Variants in DNAJB1 observed in about 807,000 individuals in gnomAD.
The protein encoded by DNAJB1 is dnaJ homolog subfamily B member 1.
Under a neutral mutation model 24.0 loss-of-function variants are expected in DNAJB1, and 14 were observed. That is an observed-to-expected ratio of 0.58 (90% CI 0.39 to 0.91). The LOEUF is 0.91. Among genes scored for constraint, DNAJB1 ranks in the 40% least tolerant of loss-of-function variants. DNAJB1 has a pLI of 0.00. For synonymous variants in DNAJB1, 262 were observed against 174.4 expected, an observed-to-expected ratio of 1.50 and a Z score of -3.96; for missense variants, 517 against 458.1, an observed-to-expected ratio of 1.13 and a Z score of -1.17.
chr19:14,550,064 A>G (rs1467538449), intron 1 of DNAJB1, among the ~76,000 whole-genome samples: 1 of 151,620 alleles, frequency 6.6e-6, no homozygotes, highest in Non-Finnish European at 1.5e-5. Context: ...ACATATAGCG[A>G]TTTATTTCAT....
chr19:14,537,011 A>G (rs1489840049), intron 1 of DNAJB1, among the ~76,000 whole-genome samples: 1 of 90,166 alleles, frequency 1.1e-5, no homozygotes, highest in Non-Finnish European at 2.2e-5. Flanking sequence ...GGGCTTGAGG[A>G]CGGGGAGGGG....
At chr19:14,559,684 G>A (rs963967749) in intron 1 of DNAJB1, among the ~76,000 whole-genome samples, 10 of 151,990 alleles carry the variant, frequency 6.6e-5, no homozygotes, top group African/African-American at 2.4e-4. Context: ...CTACTCTGGA[G>A]GCTGAGGCAG....
At chr19:14,516,312 A>C (rs890129670) in intron 2 of DNAJB1, 142 bp from the exon 3 acceptor site, 2 of 1,267,378 alleles carry the variant, frequency 1.6e-6, no homozygotes, top group Non-Finnish European at 2.2e-6. Flanking sequence ...CCCACCACGA[A>C]AGCTCCACAA....
chr19:14,528,272 G>A (rs2072478106), intron 1 of DNAJB1, among the ~76,000 whole-genome samples: 1 of 131,528 alleles, frequency 7.6e-6, no homozygotes, highest in Admixed American at 7.7e-5. Flanking sequence ...TTTTGAGACG[G>A]TCTGTTGCTC....
At chr19:14,556,449 C>T (rs2073729701) in intron 1 of DNAJB1, among the ~76,000 whole-genome samples, 2 of 151,944 alleles carry the variant, frequency 1.3e-5, no homozygotes, top group Non-Finnish European at 2.9e-5. Context: ...TTGTGACCTC[C>T]CCCACAACCT....
intron 1 of DNAJB1, chr19:14,529,063 C>A (rs1568387160): frequency 6.4e-6 from 1 of 156,298 alleles, no homozygotes; most frequent in Non-Finnish European, 1.4e-5. Flanking sequence ...AAATGGGGAG[C>A]TTTTCGCGAC....
upstream of DNAJB1, among the ~76,000 whole-genome samples, chr19:14,533,687 A>T (rs1330017852): frequency 5.9e-5 from 9 of 152,078 alleles, no homozygotes; most frequent in Admixed American, 5.9e-4. Context: ...TAGTAGCCTC[A>T]TATCACTGCC....
Position 14,516,982 on chromosome 19 carries a change from G to A in DNAJB1, c.276C>T (p.Tyr92=). The change falls in exon 2 of 3, where the codon TAC becomes TAT. Residue 92 remains tyrosine, a synonymous_variant. Coordinates refer to ENST00000254322, the MANE Select transcript of DNAJB1 (RefSeq NM_006145.3). ...TGGCATGAGGGTCTCCATGGAATGT[G>A]TAGCTGAAAGAGGTACCATTGGCAC... ...GGGANGTSFS[Y]TFHGDPHAMF... is the part of the protein sequence containing the mutation. 2 of 1,612,560 alleles carry A rather than the reference G, an allele frequency of 1.2e-6. No individual in the cohort carries two copies. Among genetic ancestry groups the A allele is most frequent in the Non-Finnish European group, 1.7e-6 (2 of 1,179,968 alleles).
chr19:14,517,993 G>GCGGAGGCCCGCGAGGC (rs1157136198), intron 1 of DNAJB1, 146 bp downstream of exon 1: 4 of 880,856 alleles, frequency 4.5e-6, no homozygotes, highest in Middle Eastern at 3.7e-4. Context: ...CAATCCGAGG[G>GCGGAGGCCCGCGAGGC]CGGAGGCCCG....
chr19:14,543,199 C>T (rs1407042332), intron 1 of DNAJB1, among the ~76,000 whole-genome samples: 1 of 149,192 alleles, frequency 6.7e-6, no homozygotes, highest in Non-Finnish European at 1.5e-5. Flanking sequence ...TCCCCAGACA[C>T]CTCAAGTGTC....
chr19:14,539,245 C>T (rs536229824), intron 1 of DNAJB1, among the ~76,000 whole-genome samples: 2 of 150,078 alleles, frequency 1.3e-5, no homozygotes, highest in South Asian at 2.1e-4. Context: ...CCACCTGCCT[C>T]GGCCTCCCAA....
chr19:14,547,434 C>T (rs1391865091), intron 1 of DNAJB1, among the ~76,000 whole-genome samples: 1 of 152,126 alleles, frequency 6.6e-6, no homozygotes, highest in Non-Finnish European at 1.5e-5. Context: ...GAACTCTGCT[C>T]ACTGCAACCT....
intron 1 of DNAJB1, among the ~76,000 whole-genome samples, chr19:14,556,516 C>A (rs996378502): frequency 6.6e-6 from 1 of 152,120 alleles, no homozygotes; most frequent in Admixed American, 6.6e-5. Context: ...CTGCCCCCAC[C>A]CCCTGCTTGC....
At position 14,515,304 on chromosome 19, in the gene DNAJB1, C is replaced by T. The variant is rs1292407207; in HGVS notation, c.*636G>A. ...CCTTGCTGAGGCCAGGCTCCCAGACCATCAAGGGAGAGGTGGCTGCACTTG... is the reference window on the plus strand; with the variant it reads ...CCTTGCTGAGGCCAGGCTCCCAGACTATCAAGGGAGAGGTGGCTGCACTTG... On this transcript the variant is annotated 3_prime_UTR_variant, in exon 3 of 3. Transcript: ENST00000254322. The T allele has an allele frequency of 2.0e-5, 3 of 152,756 alleles. No individual in the cohort carries two copies. Among genetic ancestry groups the T allele is most frequent in the Non-Finnish European group, 4.4e-5 (3 of 68,104 alleles). The allele number at this position is 152,756 out of a possible 1,614,324, so 9.5% of individuals were successfully genotyped here.
chr19:14,543,826 C>T (rs376068023), intron 1 of DNAJB1, among the ~76,000 whole-genome samples: 18 of 151,976 alleles, frequency 1.2e-4, no homozygotes, highest in East Asian at 1.2e-3. Flanking sequence ...GCAACCTCTG[C>T]CTCCCAGGTT....
At chr19:14,555,440 T>A (rs1347162486) in intron 1 of DNAJB1, among the ~76,000 whole-genome samples, 7 of 111,636 alleles carry the variant, frequency 6.3e-5, no homozygotes, top group African/African-American at 2.9e-4. Context: ...TATTTATTCT[T>A]TTTTTTTTTT....
chr19:14,529,655 G>A, upstream of DNAJB1: 1 of 1,613,796 alleles, frequency 6.2e-7, no homozygotes, highest in Non-Finnish European at 8.5e-7. Flanking sequence ...GCGCAGTTAG[G>A]CAGCAGCAGC....
Position 14,516,188 on chromosome 19 carries a change from C to G in DNAJB1, c.793-18G>C. On this transcript the variant is annotated intron_variant, in intron 2 of 2. Coordinates refer to ENST00000254322, the MANE Select transcript of DNAJB1 (RefSeq NM_006145.3). Reference sequence around the variant, plus strand: ...CACAGAGCCTTGAAAAGCAAAAGGACAGCATTAGATGGAAGCTGGCTCAAG... The same window carrying G: ...CACAGAGCCTTGAAAAGCAAAAGGAGAGCATTAGATGGAAGCTGGCTCAAG... The G allele has an allele frequency of 6.2e-7, 1 of 1,613,106 alleles. No homozygotes were observed. Among genetic ancestry groups the G allele is most frequent in the Non-Finnish European group, 8.5e-7 (1 of 1,179,780 alleles).
chr19:14,516,554 A>G lies in DNAJB1; in HGVS notation c.704T>C (p.Ile235Thr), dbSNP rs1178145050. Residue 235 changes from isoleucine (I) to threonine (T), a missense_variant, in exon 2 of 3, where the codon ATC becomes ACC. Coordinates refer to ENST00000254322, the MANE Select transcript of DNAJB1 (RefSeq NM_006145.3). ...GGGCTTGTCCTTTAAAACAAAGACG[A>G]TATCAGCTGGAATGTTGTTGGAGGT... ...DQTSNNIPAD[I>T]VFVLKDKPHN... 3 of 1,614,036 alleles carry G rather than the reference A, an allele frequency of 1.9e-6. No individual in the cohort carries two copies. The highest frequency in any genetic ancestry group is 2.5e-6 in the Non-Finnish European group (3 of 1,180,036).
Sources: gnomAD v4.1 joint callset for allele counts (sites outside exome capture counted in the v4.1 genomes callset) on GRCh38, gnomAD v4.1.1 for gene constraint, MANE v1.5 for transcripts, NCBI Gene and HGNC (gene_info 2026-07-23, HGNC 2026-07-21) for gene names.